The following PDZRN3 variants were observed in gnomAD, a reference collection of about 807,000 sequenced individuals.
PDZRN3 encodes E3 ubiquitin-protein ligase PDZRN3.
A neutral mutation model predicts 85.7 loss-of-function variants in PDZRN3; 38 were observed. That is an observed-to-expected ratio of 0.44 (90% CI 0.34 to 0.58). The LOEUF is 0.58. Among genes scored for constraint, PDZRN3 ranks in the 20% least tolerant of loss-of-function variants. The probability of loss-of-function intolerance (pLI) is 0.01; values close to 1 mark genes in which losing one functional copy is unlikely to be tolerated. For synonymous variants in PDZRN3, 759 were observed against 638.0 expected, an observed-to-expected ratio of 1.19 and a Z score of -2.86; for missense variants, 1,629 against 1,506.4, an observed-to-expected ratio of 1.08 and a Z score of -1.35.
In PDZRN3 at chr3:73,388,082, A is replaced by AAC; in HGVS notation, c.1417-14_1417-13insGT. 1.9e-6 allele frequency: 2 copies of AAC among 1,042,804 alleles called. No individual in the cohort carries two copies. The highest frequency in any genetic ancestry group is 2.8e-6 in the Non-Finnish European group (2 of 702,526). 64.6% of individuals were successfully genotyped at this position (1,042,804 alleles called of 1,614,324 possible). A position where few individuals can be genotyped will look rare whatever the true frequency, so the allele number is the denominator to read the frequency against. ...CTATCCCATTAATCTTTTAAAAAAA[A>AAC]AGGGGGGGTGGGGAGAGTGGGGAGA... is the stretch of plus-strand genomic sequence containing the variant. On this transcript the variant is annotated splice_polypyrimidine_tract_variant and intron_variant, in intron 7 of 9. Transcript: ENST00000263666.
chr3:73,418,006 TAA>T (rs1702126438), intron 3 of PDZRN3, among the ~76,000 whole-genome samples: 2 of 152,196 alleles, frequency 1.3e-5, no homozygotes, highest in African/African-American at 4.8e-5. Flanking sequence ...AAAGTAAACT[TAA>T]GTGTGTACTT....
chr3:73,467,858 A>T (rs1295053633), intron 3 of PDZRN3, among the ~76,000 whole-genome samples: 4 of 152,252 alleles, frequency 2.6e-5, no homozygotes, highest in Non-Finnish European at 5.9e-5. Context: ...CAAAAGGACA[A>T]GTACTATATA....
At chr3:73,551,806 A>G (rs1701565995) in intron 3 of PDZRN3, among the ~76,000 whole-genome samples, 2 of 152,146 alleles carry the variant, frequency 1.3e-5, no homozygotes, top group Admixed American at 1.3e-4. Context: ...TTGAGATGCT[A>G]CCTTCTTGAA....
intron 3 of PDZRN3, among the ~76,000 whole-genome samples, chr3:73,593,699 G>A (rs940081961): frequency 2.4e-5 from 3 of 126,412 alleles, no homozygotes; most frequent in Admixed American, 9.2e-5. Flanking sequence ...ACTGTTTACC[G>A]AAATAAATAT....
At chr3:73,456,406 G>T (rs887631760) in intron 3 of PDZRN3, among the ~76,000 whole-genome samples, 3 of 152,080 alleles carry the variant, frequency 2.0e-5, no homozygotes, top group Admixed American at 1.3e-4. Context: ...TCTTCTAAAG[G>T]CAATCAAGAT....
At position 73,415,286 on chromosome 3, in the gene PDZRN3, G is replaced by A. The variant is rs761043899; in HGVS notation, c.919-10891C>T. 1.6e-4 allele frequency among the ~76,000 whole-genome samples: 25 copies of A among 152,300 alleles called. No individual in the cohort carries two copies. The South Asian group carries it at 1.7e-3, about 10-fold the overall frequency. ...AGGAAGAGAGGAGAGGGAAAGGCATGTGCAAAGGTCCTGTGGTAGGAGAAA... is the reference window on the plus strand; with the variant it reads ...AGGAAGAGAGGAGAGGGAAAGGCATATGCAAAGGTCCTGTGGTAGGAGAAA... On this transcript the variant is annotated intron_variant, in intron 3 of 9. Coordinates refer to ENST00000263666, the MANE Select transcript of PDZRN3 (RefSeq NM_015009.3).
intron 3 of PDZRN3, among the ~76,000 whole-genome samples, chr3:73,600,237 T>G (rs1226841726): frequency 1.4e-5 from 2 of 140,872 alleles, no homozygotes; most frequent in Admixed American, 7.0e-5. Flanking sequence ...GGTGGTGGTT[T>G]GCCCATTCCC....
intron 3 of PDZRN3, among the ~76,000 whole-genome samples, chr3:73,469,510 G>T (rs1703290992): frequency 6.6e-6 from 1 of 152,138 alleles, no homozygotes; most frequent in Admixed American, 6.6e-5. Flanking sequence ...TGCTTTTAGT[G>T]AAATTCACCA....
At chr3:73,489,510 T>C (rs536842192) in intron 3 of PDZRN3, among the ~76,000 whole-genome samples, 1 of 150,740 alleles carries the variant, frequency 6.6e-6, no homozygotes, top group African/African-American at 2.4e-5. Flanking sequence ...TCAGAGGAGT[T>C]GCCCTGCATA....
intron 3 of PDZRN3, among the ~76,000 whole-genome samples, chr3:73,551,640 G>T (rs1268331990): frequency 1.4e-5 from 2 of 145,894 alleles, no homozygotes; most frequent in Admixed American, 1.4e-4. Flanking sequence ...AGCGAACTGT[G>T]ATTGCACCAC....
chr3:73,572,228 T>C (rs1431816080), intron 3 of PDZRN3, among the ~76,000 whole-genome samples: 2 of 152,210 alleles, frequency 1.3e-5, no homozygotes, highest in Non-Finnish European at 2.9e-5. Flanking sequence ...TTTTGACCCA[T>C]TTAATGTGTG....
intron 3 of PDZRN3, among the ~76,000 whole-genome samples, chr3:73,417,250 C>T (rs1354650536): frequency 1.3e-5 from 2 of 152,144 alleles, no homozygotes; most frequent in Non-Finnish European, 2.9e-5. Context: ...GGGTGATTTT[C>T]TTCATTTTCA....
chr3:73,458,635 A>G (rs560029125), intron 3 of PDZRN3, among the ~76,000 whole-genome samples: 9 of 149,952 alleles, frequency 6.0e-5, no homozygotes, highest in African/African-American at 2.2e-4. Flanking sequence ...ATACATTTTG[A>G]GTTGTATTAG....
At chr3:73,457,285 C>T (rs1460726285) in intron 3 of PDZRN3, among the ~76,000 whole-genome samples, 1 of 152,056 alleles carries the variant, frequency 6.6e-6, no homozygotes, top group Admixed American at 6.5e-5. Flanking sequence ...GTTGGCCAGG[C>T]TGGTTTCAAA....
chr3:73,383,963 T>C lies in PDZRN3; in HGVS notation c.2603A>G (p.Tyr868Cys), dbSNP rs1307574297. Residue 868 changes from tyrosine (Y) to cysteine (C), a missense_variant, in exon 10 of 10, where the codon TAC (tyrosine) becomes TGC (cysteine). Transcript: ENST00000263666. Reference protein sequence around the residue: ...AYLPSYHHSPYKHAHIPAHAQ... With the variant: ...AYLPSYHHSPCKHAHIPAHAQ... The stretch of plus-strand genomic sequence containing the variant: ...GTGCGCCGGGATGTGCGCGTGCTTG[T>C]ATGGGGAGTGGTGATAGGAGGGCAG... The C allele has an allele frequency of 1.9e-6, 3 of 1,598,306 alleles. No homozygotes were observed. The highest frequency in any genetic ancestry group is 1.3e-5 in the African/African-American group (1 of 74,688).
At chr3:73,489,852 G>A (rs918938548) in intron 3 of PDZRN3, among the ~76,000 whole-genome samples, 1 of 152,000 alleles carries the variant, frequency 6.6e-6, no homozygotes, top group African/African-American at 2.4e-5. Flanking sequence ...GATTCCAGGC[G>A]TGAGCCACCA....
rs200179634 is a variant in PDZRN3, at chr3:73,531,919, GGA to G, written c.918+70433_918+70434del. Among the ~76,000 whole-genome samples, 74 of 152,328 alleles carry G rather than the reference GGA, an allele frequency of 4.9e-4. 1 individual carries two copies. The East Asian group carries it at 0.014, about 29-fold the overall frequency. ...GATAGCTGGCCCTGTGGGGACTCAG[GGA>G]GAGGAGAGTGTTGTATAAAATAATG... On this transcript the variant is annotated intron_variant, in intron 3 of 9. Coordinates refer to ENST00000263666, the MANE Select transcript of PDZRN3 (RefSeq NM_015009.3).
chr3:73,550,213 C>T (rs1000322889), intron 3 of PDZRN3, among the ~76,000 whole-genome samples: 1 of 152,166 alleles, frequency 6.6e-6, no homozygotes, highest in African/African-American at 2.4e-5. Flanking sequence ...CATCCGGGAA[C>T]TGGTTAGAAA....
intron 5 of PDZRN3, among the ~76,000 whole-genome samples, chr3:73,398,573 G>A (rs1242346772): frequency 6.6e-6 from 1 of 152,156 alleles, no homozygotes; most frequent in African/African-American, 2.4e-5. Context: ...TTGAACAACA[G>A]GGTTCTAGGG....
Sources: gnomAD v4.1 joint callset for allele counts (sites outside exome capture counted in the v4.1 genomes callset) on GRCh38, gnomAD v4.1.1 for gene constraint, MANE v1.5 for transcripts, NCBI Gene and HGNC (gene_info 2026-07-23, HGNC 2026-07-21) for gene names.